Variants in C1orf159 observed in about 807,000 individuals in gnomAD.
C1orf159 encodes uncharacterized protein C1orf159.
Under a neutral mutation model 25.6 loss-of-function variants are expected in C1orf159, and 19 were observed. That is an observed-to-expected ratio of 0.74 (90% CI 0.52 to 1.09). C1orf159 has a LOEUF of 1.09. Among genes scored for constraint, C1orf159 ranks in the 50% least tolerant of loss-of-function variants. The pLI is 0.00. For synonymous variants in C1orf159, 139 were observed against 124.7 expected (o/e 1.12, Z -0.77); for missense variants, 274 against 290.6 (o/e 0.94, Z 0.42).
At chr1:1,088,342 G>C (rs950745462) in intron 4 of C1orf159, among the ~76,000 whole-genome samples, 1 of 20,314 alleles carries the variant, frequency 4.9e-5, no homozygotes, top group African/African-American at 2.0e-4. Flanking sequence ...GACCCCCCAC[G>C]CCTCCCCCAA....
intron 3 of C1orf159, 116 bp from the exon 4 acceptor site, chr1:1,090,544 C>T: frequency 1.8e-6 from 2 of 1,119,054 alleles, no homozygotes; most frequent in Non-Finnish European, 2.6e-6. Flanking sequence ...CAGCTCCGGC[C>T]TCTTCTGGAG....
intron 1 of C1orf159, among the ~76,000 whole-genome samples, chr1:1,102,357 T>C (rs895970761): frequency 6.6e-6 from 1 of 151,638 alleles, no homozygotes; most frequent in Non-Finnish European, 1.5e-5. Context: ...TTTTGTTTTA[T>C]TTTCCTCCAA....
At chr1:1,088,418 G>C (rs931721361) in intron 4 of C1orf159, among the ~76,000 whole-genome samples, 3 of 136,578 alleles carry the variant, frequency 2.2e-5, no homozygotes, top group African/African-American at 8.4e-5. Flanking sequence ...CGCCCAAGCA[G>C]GATAGGCCCA....
intron 4 of C1orf159, among the ~76,000 whole-genome samples, chr1:1,088,833 G>T (rs933553196): frequency 2.6e-5 from 4 of 152,152 alleles, no homozygotes; most frequent in African/African-American, 9.7e-5. Flanking sequence ...ACCCCGGCAC[G>T]GTTGTGACAG....
intron 1 of C1orf159, among the ~76,000 whole-genome samples, chr1:1,108,297 G>GCA (rs1646205914): frequency 1.5e-5 from 1 of 67,118 alleles, no homozygotes; most frequent in Non-Finnish European, 3.0e-5. Flanking sequence ...ACCATGTCTC[G>GCA]GCACCGTTCA....
At chr1:1,090,649 G>C in intron 3 of C1orf159, 1 of 685,852 alleles carries the variant, frequency 1.5e-6, no homozygotes, top group Non-Finnish European at 2.5e-6. Flanking sequence ...TGGGTGGGCG[G>C]TCTCCAAGGA....
chr1:1,090,461 G>A (rs760202921), intron 3 of C1orf159, 33 bp from the exon 4 acceptor site: 28 of 1,547,536 alleles, frequency 1.8e-5, no homozygotes, highest in East Asian at 1.7e-4. Context: ...ACTCCAGGAC[G>A]CGCCTGCCAG....
chr1:1,086,016 C>T lies in C1orf159; in HGVS notation c.311-4G>A, dbSNP rs200247240. The stretch of plus-strand genomic sequence containing the variant: ...GAGGCGGCCACGCGCGGAGCCCCTG[C>T]AAACAGACACCGCTGAGCAGACGGG... On this transcript the variant is annotated splice_polypyrimidine_tract_variant and splice_region_variant and intron_variant, in intron 6 of 9. Coordinates refer to ENST00000421241, the MANE Select transcript of C1orf159 (RefSeq NM_017891.5). 309 of 1,612,638 alleles carry T rather than the reference C, an allele frequency of 1.9e-4. No homozygotes were observed. In the African/African-American group the frequency reaches 3.7e-3, roughly 19 times the overall value.
In C1orf159 at chr1:1,082,910, G is replaced by A. The variant is rs1240362666; in HGVS notation, c.580C>T (p.Arg194Cys). 10 of 1,595,838 alleles carry A rather than the reference G, an allele frequency of 6.3e-6. No individual in the cohort carries two copies. The highest frequency in any genetic ancestry group is 2.7e-5 in the African/African-American group (2 of 74,602). ...TDPAAFPGEA[R>C]ISNV ...CCTCCAGGTCAGACATTGCTGATAC[G>A]GGCCTCCCCCGGGAAGGCAGCGGGA... is the stretch of plus-strand genomic sequence containing the variant. Residue 194 changes from arginine to cysteine, a missense_variant, in exon 10 of 10, where the codon CGT becomes TGT. Transcript: ENST00000421241.
intron 7 of C1orf159, among the ~76,000 whole-genome samples, chr1:1,085,608 C>A (rs541534076): frequency 4.6e-5 from 7 of 152,204 alleles, no homozygotes; most frequent in African/African-American, 1.7e-4. Flanking sequence ...CCCGGGGAGA[C>A]GCCTCTGCCG....
intron 1 of C1orf159, among the ~76,000 whole-genome samples, chr1:1,104,964 G>A (rs1646151585): frequency 1.3e-5 from 2 of 152,176 alleles, no homozygotes; most frequent in South Asian, 4.1e-4. Flanking sequence ...CAGAGCACTT[G>A]CCACATGCCA....
chr1:1,087,181 G>T lies in C1orf159; in HGVS notation c.268C>A (p.Pro90Thr). The change falls in exon 6 of 10, where the codon CCC becomes ACC. Residue 90 changes from proline to threonine, a missense_variant. Transcript: ENST00000421241. This position sits in a 1 kb window ranked among gnomAD's most constrained non-coding sequence, Gnocchi z 8.3. ...GGGGTCCCTGAGCTTCTGTTCATGG[G>T]GAATGGCGCACCCGGGCCAGCAACT... ...RSFAGPGAPFPMNRSSGTPGR... is the reference protein window; with the variant it reads ...RSFAGPGAPFTMNRSSGTPGR... 1 of 1,610,196 alleles carries T rather than the reference G, an allele frequency of 6.2e-7. No homozygotes were observed. The highest frequency in any genetic ancestry group is 8.5e-7 in the Non-Finnish European group (1 of 1,179,242).
chr1:1,109,740 G>A (rs1179416185), intron 1 of C1orf159, among the ~76,000 whole-genome samples: 2 of 152,200 alleles, frequency 1.3e-5, no homozygotes, highest in Non-Finnish European at 2.9e-5. Flanking sequence ...ATGTGTACTA[G>A]ATAAACATGC....
At chr1:1,084,699 G>A (rs745978340) in intron 7 of C1orf159, among the ~76,000 whole-genome samples, 193 bp from the exon 8 acceptor site, 4 of 152,086 alleles carry the variant, frequency 2.6e-5, no homozygotes, top group Non-Finnish European at 4.4e-5. Context: ...CCTGGCCCTC[G>A]GTCCTGCCAC....
Position 1,084,395 on chromosome 1 carries a change from G to C in C1orf159, c.472-12C>G, listed in dbSNP as rs758717708. The stretch of plus-strand genomic sequence containing the variant: ...GGGATCATTGCAGCCTTGAAAAGGA[G>C]AGAAAGGCAGAGTGAGGACTCGGGA... On this transcript the variant is annotated splice_polypyrimidine_tract_variant and intron_variant, in intron 8 of 9. Transcript: ENST00000421241. The C allele has an allele frequency of 2.5e-6, 4 of 1,579,692 alleles. No homozygotes were observed. Among genetic ancestry groups the C allele is most frequent in the Non-Finnish European group, 3.4e-6 (4 of 1,162,466 alleles).
intron 1 of C1orf159, among the ~76,000 whole-genome samples, chr1:1,114,214 G>A (rs917896069): frequency 1.3e-5 from 2 of 152,018 alleles, no homozygotes; most frequent in Non-Finnish European, 2.9e-5. Flanking sequence ...GAGCCACCGC[G>A]CACAGCCAGG....
chr1:1,107,826 C>T (rs1646195790), intron 1 of C1orf159, among the ~76,000 whole-genome samples: 1 of 152,088 alleles, frequency 6.6e-6, no homozygotes, highest in Non-Finnish European at 1.5e-5. Context: ...GTCTGCACTG[C>T]CTTTATGAGC....
intron 1 of C1orf159, among the ~76,000 whole-genome samples, chr1:1,105,407 G>T (rs989067944): frequency 9.3e-4 from 141 of 152,170 alleles, no homozygotes; most frequent in African/African-American, 3.1e-3. Context: ...ACTTGGGAGG[G>T]AGGTGGGAGG....
chr1:1,091,598 G>C (rs1432847673), intron 2 of C1orf159, 33 bp from the exon 3 acceptor site: 3 of 1,345,132 alleles, frequency 2.2e-6, no homozygotes, highest in African/African-American at 1.5e-5. Context: ...GAGCCAAAGA[G>C]ATGGAGTGGG....
Sources: allele counts gnomAD v4.1 joint callset (sites outside exome capture counted in the v4.1 genomes callset), GRCh38; gene constraint gnomAD v4.1.1; non-coding constraint Gnocchi (gnomAD v3.1); transcripts MANE v1.5; gene names NCBI Gene and HGNC (gene_info 2026-07-23, HGNC 2026-07-21).